The following NAV3 variants were observed in gnomAD, a reference collection of about 807,000 sequenced individuals.
NAV3 encodes the protein neuron navigator 3, also known as pore membrane and/or filament interacting like protein 1.
In NAV3, 87 loss-of-function variants were observed where a neutral mutation model predicts 244.7. The ratio of observed to expected loss-of-function variants is 0.36; its 90% CI spans 0.30 to 0.42. The LOEUF (loss-of-function observed/expected upper bound fraction) is 0.42. Ranked by LOEUF, NAV3 falls within the 20% of genes least tolerant of loss-of-function variation. The pLI is 1.00. For synonymous variants in NAV3, 1,126 were observed against 1,042.2 expected, an observed-to-expected ratio of 1.08 and a Z score of -1.55; for missense variants, 2,663 against 2,893.3, an observed-to-expected ratio of 0.92 and a Z score of 1.83.
chr12:77,937,363 AG>A (rs914451737), intron 1 of NAV3, among the ~76,000 whole-genome samples: 30 of 152,316 alleles, frequency 2.0e-4, no homozygotes, highest in Middle Eastern at 3.4e-3. Context: ...GAAGCCAACT[AG>A]CTGGCCTCCC....
At chr12:77,871,257 A>C (rs1487440439) in intron 1 of NAV3, among the ~76,000 whole-genome samples, 1 of 152,196 alleles carries the variant, frequency 6.6e-6, no homozygotes, top group Non-Finnish European at 1.5e-5. Context: ...GAAAAAAATT[A>C]GTAAAAGATT....
chr12:78,038,850 AAC>A (rs945981940), intron 9 of NAV3, among the ~76,000 whole-genome samples: 1 of 152,162 alleles, frequency 6.6e-6, no homozygotes, highest in African/African-American at 2.4e-5. Context: ...CAAAGATATG[AAC>A]AGAGTGCAGT....
At position 77,723,755 on chromosome 12, in the gene NAV3, C is replaced by CTTTTTTTTTTT. The variant is rs34518266; in HGVS notation, c.72+151502_72+151512dup. Among the ~76,000 whole-genome samples, 3 of 67,654 alleles carry CTTTTTTTTTTT rather than the reference C, an allele frequency of 4.4e-5. 1 individual carries two copies. The highest frequency in any genetic ancestry group is 2.1e-4 in the Admixed American group (1 of 4,714). The allele number at this position is 67,654 out of a possible 152,430, so 44.4% of individuals were successfully genotyped here. On this transcript the variant is annotated intron_variant, in intron 2 of 8. Coordinates refer to the NAV3 transcript ENST00000550042. ...AGGAGTTTCTTCTTGGCAATCTTGACTTTTTTTTTTTTTTTTTTTTTTTAC... is the reference window on the plus strand; with the variant it reads ...AGGAGTTTCTTCTTGGCAATCTTGACTTTTTTTTTTTTTTTTTTTTTTTTTTTTTTTTTTAC...
intron 2 of NAV3, among the ~76,000 whole-genome samples, chr12:77,594,784 T>G (rs1165709313): frequency 6.6e-6 from 1 of 152,210 alleles, no homozygotes; most frequent in African/African-American, 2.4e-5. Context: ...ATAGCCATTC[T>G]TTTTCTTAAA....
At chr12:78,050,189 G>T in intron 10 of NAV3, 88 bp downstream of exon 10, 1 of 882,638 alleles carries the variant, frequency 1.1e-6, no homozygotes, top group Non-Finnish European at 1.8e-6. Flanking sequence ...GACAGAGATG[G>T]GATTTCAGTT....
At chr12:77,954,116 T>C (rs1299953882) in intron 3 of NAV3, among the ~76,000 whole-genome samples, 1 of 152,158 alleles carries the variant, frequency 6.6e-6, no homozygotes, top group Non-Finnish European at 1.5e-5. Context: ...TCTACCACCA[T>C]GTAAAATGCA....
At chr12:78,188,046 CTTTA>C (rs1958805025) in intron 31 of NAV3, among the ~76,000 whole-genome samples, 198 bp from the exon 32 acceptor site, 1 of 151,806 alleles carries the variant, frequency 6.6e-6, no homozygotes, top group Non-Finnish European at 1.5e-5. Flanking sequence ...ATTGCTGTTA[CTTTA>C]TTTGTTTGGT....
intron 2 of NAV3, among the ~76,000 whole-genome samples, chr12:77,687,566 G>A (rs979757306): frequency 1.3e-5 from 2 of 152,060 alleles, no homozygotes; most frequent in Non-Finnish European, 2.9e-5. Flanking sequence ...AATTAATCAA[G>A]CTTATATCTG....
At chr12:77,636,335 G>A (rs1344703592) in intron 2 of NAV3, among the ~76,000 whole-genome samples, 1 of 151,826 alleles carries the variant, frequency 6.6e-6, no homozygotes, top group Non-Finnish European at 1.5e-5. Context: ...GCGTGGTGGT[G>A]GGCGCCTGTA....
intron 2 of NAV3, among the ~76,000 whole-genome samples, chr12:77,766,735 G>GTTTGGTTTT (rs1555202961): frequency 1.7e-5 from 1 of 60,516 alleles, no homozygotes; most frequent in Non-Finnish European, 3.0e-5. Flanking sequence ...AGGCAATTAA[G>GTTTGGTTTT]TTTTTTTTTT....
chr12:78,180,738 CTTATATT>C, intron 29 of NAV3, 126 bp from the exon 30 acceptor site: 1 of 729,640 alleles, frequency 1.4e-6, no homozygotes, highest in Non-Finnish European at 2.2e-6. Flanking sequence ...TATTTCATAT[CTTATATT>C]TCTTTATTTA....
intron 22 of NAV3, among the ~76,000 whole-genome samples, chr12:78,156,998 G>A (rs1194359308): frequency 6.6e-6 from 1 of 152,110 alleles, no homozygotes; most frequent in Non-Finnish European, 1.5e-5. Flanking sequence ...TAAACATAGT[G>A]CTTTAAAGTG....
At chr12:77,913,130 A>G (rs748702075) in intron 1 of NAV3, among the ~76,000 whole-genome samples, 48 of 152,032 alleles carry the variant, frequency 3.2e-4, no homozygotes, top group Non-Finnish European at 3.8e-4. Flanking sequence ...GCCCCAAAAC[A>G]TGGTCTATAT....
At chr12:77,658,464 G>C (rs9668078) in intron 2 of NAV3, among the ~76,000 whole-genome samples, 46,601 of 132,006 alleles carry the variant, frequency 0.35, 9,315 homozygotes, top group African/African-American at 0.49. Context: ...AAAGAGGATA[G>C]AAACAAATGG....
At chr12:77,913,535 C>CT (rs1886829770) in intron 1 of NAV3, among the ~76,000 whole-genome samples, 1 of 151,994 alleles carries the variant, frequency 6.6e-6, no homozygotes, top group African/African-American at 2.4e-5. Context: ...AGGCATTACT[C>CT]TAAGAGTTGC....
intron 1 of NAV3, among the ~76,000 whole-genome samples, chr12:77,907,640 T>C (rs1886131621): frequency 6.6e-6 from 1 of 152,136 alleles, no homozygotes; most frequent in Non-Finnish European, 1.5e-5. Context: ...AAAAGACTTT[T>C]ATACAATCTT....
intron 34 of NAV3, among the ~76,000 whole-genome samples, chr12:78,193,518 T>A (rs1297328474): frequency 6.6e-6 from 1 of 152,110 alleles, no homozygotes; most frequent in Non-Finnish European, 1.5e-5. Flanking sequence ...AGTTTCAGAG[T>A]ATGGGATTCA....
At chr12:77,840,463 C>T (rs1232165034) in intron 1 of NAV3, among the ~76,000 whole-genome samples, 2 of 152,098 alleles carry the variant, frequency 1.3e-5, no homozygotes, top group African/African-American at 4.8e-5. Flanking sequence ...GCAAGGTTTT[C>T]ACTAAAGTAC....
At chr12:77,762,125 G>A (rs903768194) in intron 2 of NAV3, among the ~76,000 whole-genome samples, 6 of 152,142 alleles carry the variant, frequency 3.9e-5, no homozygotes, top group Admixed American at 2.6e-4. Flanking sequence ...CATGTCCTTC[G>A]CAGAGACATG....
Sources: allele counts gnomAD v4.1 joint callset (sites outside exome capture counted in the v4.1 genomes callset), GRCh38; gene constraint gnomAD v4.1.1; transcripts MANE v1.5; gene names NCBI Gene and HGNC (gene_info 2026-07-23, HGNC 2026-07-21).